PLAT: variants seen among roughly 807,000 people sequenced by gnomAD.
PLAT encodes the protein tissue-type plasminogen activator.
A neutral mutation model predicts 74.9 loss-of-function variants in PLAT; 48 were observed. The observed-to-expected ratio is 0.64, with a 90% CI of 0.51 to 0.82. PLAT has a LOEUF of 0.82. PLAT is among the 40% of genes least tolerant of loss of function. PLAT has a pLI of 0.00. For missense variants in PLAT, 673 were observed against 736.2 expected (o/e 0.91, Z 0.99); for synonymous variants, 307 against 294.4 (o/e 1.04, Z -0.44).
intron 3 of PLAT, 72 bp downstream of exon 3, chr8:42,191,300 T>C: frequency 8.2e-7 from 1 of 1,214,126 alleles, no homozygotes; most frequent in South Asian, 1.2e-5. Context: ...AGGTGGTGGG[T>C]GGGTGATGCA....
At chr8:42,195,392 A>G (rs1805868504) in intron 1 of PLAT, among the ~76,000 whole-genome samples, 1 of 152,126 alleles carries the variant, frequency 6.6e-6, no homozygotes, top group South Asian at 2.1e-4. Flanking sequence ...GCTCAGAGGG[A>G]GGCTCGCCAG....
chr8:42,197,601 C>T (rs1476007813), intron 1 of PLAT, among the ~76,000 whole-genome samples: 2 of 152,066 alleles, frequency 1.3e-5, no homozygotes, highest in African/African-American at 4.8e-5. Context: ...TCGATGGGCA[C>T]CAGTGAGTAA....
At position 42,187,916 on chromosome 8, in the gene PLAT, G is replaced by GCACTTCCC; in HGVS notation, c.346_353dup (p.Cys118TrpfsTer7). On this transcript the variant is annotated frameshift_variant, in exon 5 of 14. Coordinates refer to ENST00000220809, the MANE Select transcript of PLAT (RefSeq NM_000930.5). LOFTEE classifies it high-confidence loss of function. ...CTCTCACCTACTCACCTATTTCACA[G>GCACTTCCC]CACTTCCCAGCAAATCCTTCGGGGC... is the stretch of plus-strand genomic sequence containing the variant. The GCACTTCCC allele has an allele frequency of 6.2e-7, 1 of 1,601,814 alleles. No homozygotes were observed. Among genetic ancestry groups the GCACTTCCC allele is most frequent in the Non-Finnish European group, 8.6e-7 (1 of 1,168,778 alleles).
intron 11 of PLAT, 69 bp from the exon 12 acceptor site, chr8:42,180,135 A>G: frequency 6.3e-7 from 1 of 1,585,568 alleles, no homozygotes; most frequent in Non-Finnish European, 8.6e-7. Flanking sequence ...AACACGCAGG[A>G]GGGGCAGGGG....
rs752041491 is a variant in PLAT at position 42,182,015 on chromosome 8, C to T, written c.811G>A (p.Asp271Asn). 6 of 1,598,434 alleles carry T rather than the reference C, an allele frequency of 3.8e-6. No homozygotes were observed. In the African/African-American group the frequency reaches 8.0e-5, roughly 21 times the overall value. Residue 271 changes from aspartate (D) to asparagine (N), a missense_variant, in exon 9 of 14, where the codon GAT becomes AAT. Coordinates refer to ENST00000220809, the MANE Select transcript of PLAT (RefSeq NM_000930.5). ...LGKHNYCRNP[D>N]GDAKPWCHVL... is the part of the protein sequence containing the mutation. The stretch of plus-strand genomic sequence containing the variant: ...TGGCACCAGGGCTTGGCATCCCCAT[C>T]AGGATTCCTAAATGATAAGAGAGTT...
At chr8:42,203,024 G>C (rs1364869579) in intron 1 of PLAT, among the ~76,000 whole-genome samples, 2 of 152,072 alleles carry the variant, frequency 1.3e-5, no homozygotes, top group East Asian at 3.9e-4. Context: ...CTTCTGCCAG[G>C]GTGTCCTGGG....
chr8:42,207,046 C>T (rs1486871048), intron 1 of PLAT, among the ~76,000 whole-genome samples: 6 of 152,196 alleles, frequency 3.9e-5, no homozygotes, highest in Admixed American at 2.0e-4. Flanking sequence ...GCCTCAGTTC[C>T]TTTCTGGGGG....
chr8:42,176,139 C>A lies in PLAT; in HGVS notation c.1543G>T (p.Gly515Cys). 6.2e-7 allele frequency: 1 copy of A among 1,613,432 alleles called. No individual in the cohort carries two copies. Residue 515 changes from glycine to cysteine, a missense_variant, in exon 14 of 14, where the codon GGC (glycine) becomes TGC (cysteine). Physicochemically the swap from Gly to Cys is radical, Grantham distance 159. Transcript: ENST00000220809. Reference protein sequence around the residue: ...LHDACQGDSGGPLVCLNDGRM... With the variant: ...LHDACQGDSGCPLVCLNDGRM... ...CCATCGTTCAGACACACCAGGGGGC[C>A]TCCCGAATCGCCCTGCAAAGGAGAT...
intron 5 of PLAT, 91 bp downstream of exon 5, chr8:42,187,815 C>G: frequency 1.0e-6 from 1 of 954,886 alleles, no homozygotes; most frequent in Non-Finnish European, 1.7e-6. Context: ...CCACCCCTGG[C>G]CCTGCCATCG....
At chr8:42,186,742 A>G (rs1174059497) in intron 6 of PLAT, 1 of 151,566 alleles carries the variant, frequency 6.6e-6, no homozygotes, top group Non-Finnish European at 1.5e-5. Context: ...CTATCTCTCT[A>G]TCATCTATCA....
intron 1 of PLAT, among the ~76,000 whole-genome samples, chr8:42,200,001 A>C (rs1806065037): frequency 6.6e-6 from 1 of 152,238 alleles, no homozygotes; most frequent in South Asian, 2.1e-4. Context: ...TGAATTAGGA[A>C]ATACTGATCA....
At chr8:42,203,968 A>AC in intron 1 of PLAT, among the ~76,000 whole-genome samples, 5 of 107,614 alleles carry the variant, frequency 4.6e-5, no homozygotes, top group Non-Finnish European at 6.8e-5. Flanking sequence ...TTGTCTCTAA[A>AC]TTATATATAT....
chr8:42,178,431 A>C (rs1427664010), intron 13 of PLAT, among the ~76,000 whole-genome samples: 1 of 151,938 alleles, frequency 6.6e-6, no homozygotes, highest in Non-Finnish European at 1.5e-5. Flanking sequence ...CCACCATGCC[A>C]GGCTAATTTT....
rs1236853661 is a variant in PLAT at position 42,187,943 on chromosome 8, C to T, written c.327G>A (p.Gln109=). 6.2e-7 allele frequency: 1 copy of T among 1,613,636 alleles called. No homozygotes were observed. The highest frequency in any genetic ancestry group is 8.5e-7 in the Non-Finnish European group (1 of 1,179,516). ...QALYFSDFVC[Q]CPEGFAGKCC... ...ACTTCCCAGCAAATCCTTCGGGGCA[C>T]TGGCACACGAAATCTGAGAAGTACA... The change falls in exon 5 of 14, where the codon CAG becomes CAA. Residue 109 remains glutamine (Q), a synonymous_variant. Coordinates refer to ENST00000220809, the MANE Select transcript of PLAT (RefSeq NM_000930.5).
At position 42,182,777 on chromosome 8, in the gene PLAT, A is replaced by G. The variant is rs770618672; in HGVS notation, c.745T>C (p.Tyr249His). The change falls in exon 8 of 14, where the codon TAC becomes CAC. Residue 249 changes from tyrosine (Y) to histidine (H), a missense_variant. Coordinates refer to ENST00000220809, the MANE Select transcript of PLAT (RefSeq NM_000930.5). ...WNSMILIGKV[Y>H]TAQNPSAQAL... ...TGGGCACTGGGGTTCTGTGCTGTGT[A>G]AACCTTGCCTATCAGGATCATGGAA... The G allele has an allele frequency of 6.2e-7, 1 of 1,613,686 alleles. No individual in the cohort carries two copies. The highest frequency in any genetic ancestry group is 8.5e-7 in the Non-Finnish European group (1 of 1,179,838).
At position 42,204,498 on chromosome 8, in the gene PLAT, C is replaced by T. The variant is rs532525037; in HGVS notation, c.-27+2996G>A. On this transcript the variant is annotated intron_variant, in intron 1 of 13. Coordinates refer to ENST00000220809, the MANE Select transcript of PLAT (RefSeq NM_000930.5). ...TCACGCCTGTAATCCCAATACTTTGCGAGGCCAAGGCGGGCAGATCACTTG... is the reference window on the plus strand; with the variant it reads ...TCACGCCTGTAATCCCAATACTTTGTGAGGCCAAGGCGGGCAGATCACTTG... Among the ~76,000 whole-genome samples the T allele has an allele frequency of 3.3e-5, 5 of 150,508 alleles. No homozygotes were observed. The East Asian group carries it at 6.0e-4, about 18-fold the overall frequency.
intron 4 of PLAT, chr8:42,188,532 G>A (rs763488283): frequency 4.1e-5 from 7 of 171,306 alleles, no homozygotes; most frequent in Non-Finnish European, 8.7e-5. Flanking sequence ...ACTTTCCGGG[G>A]ACCATGAAAG....
At chr8:42,178,810 T>C in intron 13 of PLAT, 87 bp downstream of exon 13, 1 of 1,304,982 alleles carries the variant, frequency 7.7e-7, no homozygotes. Flanking sequence ...ACTCTGGTGA[T>C]AACTTTTTTC....
Position 42,179,064 on chromosome 8 carries a change from C to T in PLAT, c.1364-1G>A. ...AGCCGCTCCGAATAGAAAGGAGACA[C>T]TGAAAGGGGAGAACCATCATATGGT... On this transcript the variant is annotated splice_acceptor_variant, in intron 12 of 13. Coordinates refer to ENST00000220809, the MANE Select transcript of PLAT (RefSeq NM_000930.5). LOFTEE classifies it high-confidence loss of function. 4.4e-6 allele frequency: 7 copies of T among 1,606,492 alleles called. No homozygotes were observed. Among genetic ancestry groups the T allele is most frequent in the Non-Finnish European group, 5.1e-6 (6 of 1,175,058 alleles).
Sources: allele counts gnomAD v4.1 joint callset (sites outside exome capture counted in the v4.1 genomes callset), GRCh38; gene constraint gnomAD v4.1.1; transcripts MANE v1.5; gene names NCBI Gene and HGNC (gene_info 2026-07-23, HGNC 2026-07-21).